The following CNTN4 variants were observed in gnomAD, a reference collection of about 807,000 sequenced individuals.
CNTN4 encodes contactin-4.
In CNTN4, 77 loss-of-function variants were observed where a neutral mutation model predicts 122.5. The ratio of observed to expected loss-of-function variants is 0.63; its 90% CI spans 0.52 to 0.76. The LOEUF (loss-of-function observed/expected upper bound fraction) is 0.76. Among genes scored for constraint, CNTN4 ranks in the 30% least tolerant of loss-of-function variants. The probability of loss-of-function intolerance (pLI) is 0.00; values close to 1 mark genes in which losing one functional copy is unlikely to be tolerated. For missense variants in CNTN4, 1,256 were observed against 1,259.1 expected, an observed-to-expected ratio of 1.00 and a Z score of 0.04; for synonymous variants, 512 against 447.0, an observed-to-expected ratio of 1.15 and a Z score of -1.83.
At chr3:2,688,994 C>T (rs2085583600) in intron 4 of CNTN4, among the ~76,000 whole-genome samples, 1 of 152,192 alleles carries the variant, frequency 6.6e-6, no homozygotes, top group Non-Finnish European at 1.5e-5. Context: ...TCTAATGTAG[C>T]ACCAGTCATC....
intron 8 of CNTN4, among the ~76,000 whole-genome samples, chr3:2,880,442 G>A (rs1054459407): frequency 1.3e-5 from 2 of 152,162 alleles, no homozygotes; most frequent in Non-Finnish European, 2.9e-5. Context: ...TGCTCACTGC[G>A]CTCAAAGTCA....
intron 4 of CNTN4, among the ~76,000 whole-genome samples, chr3:2,663,745 A>G (rs1002679435): frequency 6.6e-6 from 1 of 152,226 alleles, no homozygotes; most frequent in Admixed American, 6.5e-5. Flanking sequence ...GAAACAACCC[A>G]CATGTCCATC....
chr3:2,815,748 A>C (rs2092710828), intron 6 of CNTN4, among the ~76,000 whole-genome samples: 1 of 152,124 alleles, frequency 6.6e-6, no homozygotes, highest in Non-Finnish European at 1.5e-5. Context: ...TACCCAGAGG[A>C]AAAGAAGTCA....
At chr3:2,410,140 A>G (rs182360258) in intron 3 of CNTN4, among the ~76,000 whole-genome samples, 157 of 152,296 alleles carry the variant, frequency 1.0e-3, no homozygotes, top group African/African-American at 3.5e-3. Flanking sequence ...ATTTTTCTTT[A>G]TCTAATTTAA....
At chr3:2,417,021 A>C (rs1429791154) in intron 3 of CNTN4, among the ~76,000 whole-genome samples, 1 of 152,110 alleles carries the variant, frequency 6.6e-6, no homozygotes, top group Admixed American at 6.5e-5. Context: ...TTGAGAATTA[A>C]CCTTCTCAGT....
intron 3 of CNTN4, among the ~76,000 whole-genome samples, chr3:2,473,316 A>C (rs543846736): frequency 6.6e-6 from 1 of 151,766 alleles, no homozygotes; most frequent in Admixed American, 6.6e-5. Flanking sequence ...CCTGTCTCTA[A>C]CTGGCTTCCT....
At chr3:2,246,554 G>T (rs538954696) in intron 2 of CNTN4, among the ~76,000 whole-genome samples, 2 of 152,092 alleles carry the variant, frequency 1.3e-5, no homozygotes, top group African/African-American at 4.8e-5. Flanking sequence ...TTAGTTTGAA[G>T]TTGCAGAATT....
chr3:2,572,076 C>T (rs1475898899), intron 4 of CNTN4, among the ~76,000 whole-genome samples: 1 of 152,118 alleles, frequency 6.6e-6, no homozygotes, highest in East Asian at 1.9e-4. Context: ...TGGCCAACTA[C>T]TAGAAAAGGG....
At chr3:2,702,509 A>G (rs184634246) in intron 4 of CNTN4, among the ~76,000 whole-genome samples, 26 of 152,340 alleles carry the variant, frequency 1.7e-4, no homozygotes, top group Admixed American at 1.5e-3. Flanking sequence ...AGCTATGGCT[A>G]CTTGTTCCTC....
At chr3:2,920,218 A>G (rs1412556930) in intron 12 of CNTN4, among the ~76,000 whole-genome samples, 1 of 151,158 alleles carries the variant, frequency 6.6e-6, no homozygotes, top group Non-Finnish European at 1.5e-5. Flanking sequence ...TCTCTCTCAC[A>G]CACATATGTA....
intron 6 of CNTN4, among the ~76,000 whole-genome samples, chr3:2,758,807 C>A (rs1342020252): frequency 6.7e-6 from 1 of 148,250 alleles, no homozygotes; most frequent in Non-Finnish European, 1.5e-5. Flanking sequence ...TTGCACCTAG[C>A]CAGTACCATA....
intron 13 of CNTN4, among the ~76,000 whole-genome samples, chr3:2,968,039 C>G (rs1019117621): frequency 6.6e-6 from 1 of 152,082 alleles, no homozygotes; most frequent in African/African-American, 2.4e-5. Context: ...CCCTTGCCTT[C>G]AGGCTTCTGT....
At chr3:2,548,572 C>T (rs191607448) in intron 3 of CNTN4, among the ~76,000 whole-genome samples, 107 of 152,182 alleles carry the variant, frequency 7.0e-4, no homozygotes, top group African/African-American at 2.1e-3. Context: ...GTTTTGTTTA[C>T]TGTAGACTTG....
chr3:2,632,212 A>G (rs966195460), intron 4 of CNTN4, among the ~76,000 whole-genome samples: 2 of 152,124 alleles, frequency 1.3e-5, no homozygotes, highest in African/African-American at 2.4e-5. Flanking sequence ...CATCTGGTAC[A>G]TTTTCTACCT....
chr3:2,457,987 C>T (rs762828128), intron 3 of CNTN4, among the ~76,000 whole-genome samples: 2 of 151,896 alleles, frequency 1.3e-5, no homozygotes, highest in Non-Finnish European at 2.9e-5. Context: ...GATTCCTGCT[C>T]AGACCAAACA....
intron 3 of CNTN4, among the ~76,000 whole-genome samples, chr3:2,391,325 T>C (rs1243710141): frequency 6.6e-6 from 1 of 152,220 alleles, no homozygotes; most frequent in Non-Finnish European, 1.5e-5. Flanking sequence ...TGTTCTCTGA[T>C]TAAATCCACG....
At chr3:2,440,509 C>T (rs917331209) in intron 3 of CNTN4, among the ~76,000 whole-genome samples, 5 of 152,136 alleles carry the variant, frequency 3.3e-5, no homozygotes, top group Non-Finnish European at 7.4e-5. Context: ...CAGTTCCTCT[C>T]TTCACTTTTA....
At chr3:2,307,350 G>A (rs2042747894) in intron 2 of CNTN4, among the ~76,000 whole-genome samples, 1 of 151,880 alleles carries the variant, frequency 6.6e-6, no homozygotes, top group Non-Finnish European at 1.5e-5. Context: ...CAGGAGAATG[G>A]CGTGAACCCG....
chr3:2,597,665 G>A (rs1429157091), intron 4 of CNTN4, among the ~76,000 whole-genome samples: 1 of 152,138 alleles, frequency 6.6e-6, no homozygotes, highest in Non-Finnish European at 1.5e-5. Flanking sequence ...GAAGAGCCCA[G>A]TCAGAGGAGT....
Sources: allele counts gnomAD v4.1 joint callset (sites outside exome capture counted in the v4.1 genomes callset), GRCh38; gene constraint gnomAD v4.1.1; transcripts MANE v1.5; gene names NCBI Gene and HGNC (gene_info 2026-07-23, HGNC 2026-07-21).